Variants in ETS1 observed in about 807,000 individuals in gnomAD.
ETS1 encodes protein C-ets-1.
ETS1 carries 15 observed loss-of-function variants against 58.6 expected under a neutral mutation model. The ratio of observed to expected loss-of-function variants is 0.26; its 90% CI spans 0.17 to 0.39. ETS1 has a LOEUF of 0.39. ETS1 is among the 10% of genes least tolerant of loss of function. ETS1 has a pLI of 1.00. For missense variants in ETS1, 417 were observed against 610.5 expected (o/e 0.68, Z 3.34); for synonymous variants, 214 against 218.2 (o/e 0.98, Z 0.17).
At chr11:128,574,314 T>A (rs980445055) in intron 1 of ETS1, among the ~76,000 whole-genome samples, 10 of 152,242 alleles carry the variant, frequency 6.6e-5, no homozygotes, top group Non-Finnish European at 1.3e-4. Flanking sequence ...TTTGCCTTTT[T>A]CTTATGTCTT....
chr11:128,485,943 G>T, intron 6 of ETS1, 126 bp downstream of exon 6: 1 of 637,542 alleles, frequency 1.6e-6, no homozygotes, highest in African/African-American at 1.8e-5. Context: ...TAACAAAGAA[G>T]AGTCTACATC....
chr11:128,530,817 T>C (rs771623741), intron 3 of ETS1, among the ~76,000 whole-genome samples: 3 of 152,148 alleles, frequency 2.0e-5, no homozygotes, highest in Non-Finnish European at 2.9e-5. Context: ...ATCAAGAAGA[T>C]TATAAACTTT....
chr11:128,482,740 C>T (rs542755864), intron 7 of ETS1, among the ~76,000 whole-genome samples: 4 of 152,286 alleles, frequency 2.6e-5, no homozygotes, highest in South Asian at 2.1e-4. Flanking sequence ...TATGCTGCTG[C>T]GCTCATGTAG....
At chr11:128,515,957 G>C (rs1036672088) in intron 3 of ETS1, among the ~76,000 whole-genome samples, 1 of 152,182 alleles carries the variant, frequency 6.6e-6, no homozygotes, top group East Asian at 1.9e-4. Context: ...ATATGACAGC[G>C]TTGGCCAAGT....
rs12146687 is a variant in ETS1 at position 128,463,320 on chromosome 11, T to C, written c.1242+189A>G. ...ATCCTGTAAGACAAATGGGGTAACA[T>C]AGATCTTTTCTCTATTTTCCAAATA... On this transcript the variant is annotated intron_variant, in intron 9 of 9. Coordinates refer to ENST00000392668, the MANE Select transcript of ETS1 (RefSeq NM_001143820.2). The surrounding 1 kb of genome is among the most constrained non-coding windows in gnomAD (Gnocchi z 4.1). Among the ~76,000 whole-genome samples the C allele has an allele frequency of 0.16, 24,555 of 152,132 alleles. 2,604 individuals carry two copies. Among genetic ancestry groups the C allele is most frequent in the Admixed American group, 0.28 (4,287 of 15,278 alleles).
intron 3 of ETS1, among the ~76,000 whole-genome samples, chr11:128,531,977 C>T (rs1018500511): frequency 7.9e-5 from 12 of 152,152 alleles, no homozygotes; most frequent in African/African-American, 2.2e-4. Flanking sequence ...ACATTTTCCT[C>T]GGCTGTCTCT....
chr11:128,568,615 T>C (rs1245476079), intron 2 of ETS1, among the ~76,000 whole-genome samples: 1 of 152,186 alleles, frequency 6.6e-6, no homozygotes, highest in African/African-American at 2.4e-5. Context: ...GGGCTGACCT[T>C]ACGCATGGGG....
rs376698686 is a variant in ETS1 at position 128,480,474 on chromosome 11, G to A, written c.863-23C>T. 74 of 1,574,880 alleles carry A rather than the reference G, an allele frequency of 4.7e-5. 1 individual carries two copies. Among genetic ancestry groups the A allele is most frequent in the Non-Finnish European group, 4.3e-5 (49 of 1,144,944 alleles). ...TACCTGGAGGTAAAGGAGGAGGTAG[G>A]AAGAGGACAGGGGGAGGAGGGAGTG... is the stretch of plus-strand genomic sequence containing the variant. On this transcript the variant is annotated intron_variant, in intron 7 of 9. Coordinates refer to ENST00000392668, the MANE Select transcript of ETS1 (RefSeq NM_001143820.2).
At chr11:128,566,920 A>G (rs1864514871) in intron 2 of ETS1, among the ~76,000 whole-genome samples, 1 of 152,188 alleles carries the variant, frequency 6.6e-6, no homozygotes, top group African/African-American at 2.4e-5. Context: ...TAAAGGCTCT[A>G]TCTCATGTCT....
rs867101085 is a variant in ETS1 at position 128,558,594 on chromosome 11, G to A, written c.70-2159C>T. ...TGGGAGGTGGAGTTTGCAGTGAGCC[G>A]AGATCGAGACCGTGCCACTGCACTC... On this transcript the variant is annotated intron_variant, in intron 2 of 9. Coordinates refer to ENST00000392668, the MANE Select transcript of ETS1 (RefSeq NM_001143820.2). Among the ~76,000 whole-genome samples the A allele has an allele frequency of 4.8e-5, 7 of 145,914 alleles. No individual in the cohort carries two copies. The East Asian group carries it at 6.0e-4, about 12-fold the overall frequency.
intron 8 of ETS1, among the ~76,000 whole-genome samples, chr11:128,466,176 G>C (rs1862029165): frequency 6.6e-6 from 1 of 152,218 alleles, no homozygotes; most frequent in African/African-American, 2.4e-5. Flanking sequence ...ACCTCCACAG[G>C]AGATATTTCC....
intron 3 of ETS1, among the ~76,000 whole-genome samples, chr11:128,555,590 A>G (rs1864299433): frequency 6.6e-6 from 1 of 152,214 alleles, no homozygotes. Flanking sequence ...TCCCAAATTC[A>G]AATTTAATGG....
At chr11:128,557,454 C>T (rs1864330335) in intron 2 of ETS1, among the ~76,000 whole-genome samples, 2 of 152,136 alleles carry the variant, frequency 1.3e-5, no homozygotes, top group African/African-American at 4.8e-5. Flanking sequence ...TTTAATAAAA[C>T]TATATATTGT....
Position 128,549,183 on chromosome 11 carries a change from G to A in ETS1, c.214+7108C>T, listed in dbSNP as rs1388143552. ...CAGTGAACATCTGGAGAGAGAGCCC[G>A]TGTCTCTAGGCGGCCAGACACAGCA... On this transcript the variant is annotated intron_variant, in intron 3 of 9. Coordinates refer to ENST00000392668, the MANE Select transcript of ETS1 (RefSeq NM_001143820.2). The surrounding 1 kb of genome is among the most constrained non-coding windows in gnomAD (Gnocchi z 4.3). 3.3e-5 allele frequency among the ~76,000 whole-genome samples: 5 copies of A among 152,208 alleles called. No homozygotes were observed. The highest frequency in any genetic ancestry group is 2.9e-5 in the Non-Finnish European group (2 of 68,030).
chr11:128,543,460 G>A (rs1864086208), intron 3 of ETS1, among the ~76,000 whole-genome samples: 1 of 152,138 alleles, frequency 6.6e-6, no homozygotes, highest in Non-Finnish European at 1.5e-5. Context: ...TTTGGAAAAT[G>A]AGAAAAGTAA....
At chr11:128,483,071 A>T (rs1862534055) in intron 7 of ETS1, among the ~76,000 whole-genome samples, 1 of 152,226 alleles carries the variant, frequency 6.6e-6, no homozygotes, top group African/African-American at 2.4e-5. Flanking sequence ...GGCCCTTTGC[A>T]TAGGCCCTGT....
At chr11:128,540,438 A>G (rs1864038916) in intron 3 of ETS1, among the ~76,000 whole-genome samples, 1 of 152,126 alleles carries the variant, frequency 6.6e-6, no homozygotes, top group Non-Finnish European at 1.5e-5. Context: ...GGTGAATTGT[A>G]TAGTATGTGA....
chr11:128,489,555 G>A (rs900390663), intron 4 of ETS1, 65 bp from the exon 5 acceptor site: 1 of 1,323,272 alleles, frequency 7.6e-7, no homozygotes, highest in East Asian at 2.3e-5. Context: ...AAGCCTCAGA[G>A]AGGACACTGA....
At chr11:128,526,602 A>G (rs183157729) in intron 3 of ETS1, 111 of 261,264 alleles carry the variant, frequency 4.2e-4, no homozygotes, top group Non-Finnish European at 2.6e-4. Context: ...TAGAACAACT[A>G]TCACCACATT....
Sources: gnomAD v4.1 joint callset for allele counts (sites outside exome capture counted in the v4.1 genomes callset) on GRCh38, gnomAD v4.1.1 for gene constraint, Gnocchi (gnomAD v3.1) non-coding constraint, MANE v1.5 for transcripts, NCBI Gene and HGNC (gene_info 2026-07-23, HGNC 2026-07-21) for gene names.